The following PCDH7 variants were observed in gnomAD, a reference collection of about 807,000 sequenced individuals.
PCDH7 encodes the protein protocadherin-7.
PCDH7 carries 17 observed loss-of-function variants against 58.9 expected under a neutral mutation model. That is an observed-to-expected ratio of 0.29 (90% confidence interval 0.20 to 0.43). PCDH7 has a LOEUF of 0.43. Ranked by LOEUF, PCDH7 falls within the 20% of genes least tolerant of loss-of-function variation. The probability of loss-of-function intolerance (pLI) is 1.00; values close to 1 mark genes in which losing one functional copy is unlikely to be tolerated. For synonymous variants in PCDH7, 664 were observed against 616.4 expected (o/e 1.08, Z -1.14); for missense variants, 1,274 against 1,441.0 (o/e 0.88, Z 1.88).
At chr4:31,068,535 A>C (rs770572450) in intron 3 of PCDH7, among the ~76,000 whole-genome samples, 3 of 151,988 alleles carry the variant, frequency 2.0e-5, no homozygotes, top group Non-Finnish European at 2.9e-5. Context: ...TCTCTGGTGA[A>C]GTGCGTTATT....
At chr4:30,966,696 T>C (rs1017691401) in intron 3 of PCDH7, among the ~76,000 whole-genome samples, 1 of 152,090 alleles carries the variant, frequency 6.6e-6, no homozygotes, top group Non-Finnish European at 1.5e-5. Context: ...TTGTCAGTTG[T>C]TGAAACAAAA....
rs183493601 is a variant in PCDH7, at chr4:30,861,541, G to A, written c.71-58612G>A. Among the ~76,000 whole-genome samples the A allele has an allele frequency of 2.8e-3, 425 of 152,146 alleles. 2 individuals carry two copies. The highest frequency in any genetic ancestry group is 0.013 in the South Asian group (63 of 4,826). On this transcript the variant is annotated intron_variant, in intron 1 of 3. Coordinates refer to the PCDH7 transcript ENST00000509759. ...TTATTTCAACACTTGTGAATTGAGG[G>A]ATTTAGGATAGATAATTTTTAACTA...
At position 30,721,426 on chromosome 4, in the gene PCDH7, C is replaced by T; in HGVS notation, c.4C>T (p.Leu2=). 6.6e-7 allele frequency: 1 copy of T among 1,505,606 alleles called. No individual in the cohort carries two copies. The highest frequency in any genetic ancestry group is 1.3e-5 in the South Asian group (1 of 76,602). The allele number at this position is 1,505,606 out of a possible 1,614,324, so 93.3% of individuals were successfully genotyped here. ...GTAGCAGCAGCAGCAGGAGAAGATG[C>T]TGAGGATGCGGACCGCGGGATGGGC... Residue 2 remains leucine (L), a synonymous_variant, in exon 1 of 2, where the codon CTG becomes TTG. Coordinates refer to ENST00000361762, the Ensembl canonical transcript of PCDH7. The surrounding 1 kb of genome is among the most constrained non-coding windows in gnomAD (Gnocchi z 6.7).
intron 1 of PCDH7, among the ~76,000 whole-genome samples, chr4:30,727,170 A>C (rs1480571180): frequency 6.6e-6 from 1 of 151,910 alleles, no homozygotes; most frequent in African/African-American, 2.4e-5. Flanking sequence ...TTCATTTTAC[A>C]TTCATTTTAT....
intron 3 of PCDH7, among the ~76,000 whole-genome samples, chr4:31,023,489 C>A (rs973760059): frequency 8.5e-5 from 13 of 152,106 alleles, no homozygotes; most frequent in Non-Finnish European, 1.5e-5. Context: ...TTCAACATTT[C>A]TTTTTTTAAA....
intron 1 of PCDH7, among the ~76,000 whole-genome samples, chr4:30,822,009 G>A (rs559721414): frequency 6.6e-6 from 1 of 152,226 alleles, no homozygotes; most frequent in South Asian, 2.1e-4. Flanking sequence ...GTTAAGCCCT[G>A]TCTCGTAGCA....
chr4:30,974,145 GTTCTTTCTTTCT>G (rs148838411), intron 3 of PCDH7, among the ~76,000 whole-genome samples: 323 of 150,898 alleles, frequency 2.1e-3, no homozygotes, highest in African/African-American at 7.7e-3. Context: ...TGGTGTTGCA[GTTCTTTCTTTCT>G]TTCTTTCTTT....
At chr4:30,897,097 G>T (rs1368635378) in intron 1 of PCDH7, among the ~76,000 whole-genome samples, 1 of 151,470 alleles carries the variant, frequency 6.6e-6, no homozygotes, top group Non-Finnish European at 1.5e-5. Flanking sequence ...GTAGACACAC[G>T]GTTTCACTGT....
At chr4:30,855,507 C>T (rs1733341611) in intron 1 of PCDH7, among the ~76,000 whole-genome samples, 1 of 152,122 alleles carries the variant, frequency 6.6e-6, no homozygotes, top group South Asian at 2.1e-4. Flanking sequence ...TTTTATTGGA[C>T]GTTATCCTTA....
At chr4:30,891,109 G>T (rs906284680) in intron 1 of PCDH7, among the ~76,000 whole-genome samples, 1 of 152,048 alleles carries the variant, frequency 6.6e-6, no homozygotes, top group Admixed American at 6.6e-5. Flanking sequence ...TGAAGGAATG[G>T]TCTCTAATTG....
In PCDH7 at chr4:31,097,638, A is replaced by ATATATATATATAAAATC. The variant is rs370034723; in HGVS notation, c.*8-44835_*8-44834insTATATATATATAAAATC. On this transcript the variant is annotated intron_variant, in intron 3 of 3. Transcript: ENST00000509759. ...TATATATATATATATATATATATAT[A>ATATATATATATAAAATC]AATCTTTTTTCTGTAATTTCTGTAA... is the stretch of plus-strand genomic sequence containing the variant. Among the ~76,000 whole-genome samples, 24 of 79,244 alleles carry ATATATATATATAAAATC rather than the reference A, an allele frequency of 3.0e-4. 3 individuals carry two copies. The highest frequency in any genetic ancestry group is 1.3e-3 in the South Asian group (3 of 2,322). The allele number at this position is 79,244 out of a possible 152,430, so 52.0% of individuals were successfully genotyped here.
downstream of PCDH7, chr4:31,143,745 G>A (rs913219828): frequency 6.6e-6 from 1 of 152,082 alleles, no homozygotes; most frequent in East Asian, 1.9e-4. Context: ...GTCTTGACGT[G>A]GAAAACCATT....
chr4:30,895,813 C>T (rs1047720204), intron 1 of PCDH7, among the ~76,000 whole-genome samples: 2 of 152,098 alleles, frequency 1.3e-5, no homozygotes, highest in Admixed American at 6.5e-5. Flanking sequence ...GTTTATAAGA[C>T]AAGTGAATCT....
At chr4:31,069,443 A>AT (rs1250303396) in intron 3 of PCDH7, among the ~76,000 whole-genome samples, 1 of 152,036 alleles carries the variant, frequency 6.6e-6, no homozygotes, top group Non-Finnish European at 1.5e-5. Context: ...AATTTGAAGG[A>AT]TTTTTTTAAA....
chr4:30,831,351 T>C (rs1384869016), intron 1 of PCDH7, among the ~76,000 whole-genome samples: 1 of 152,150 alleles, frequency 6.6e-6, no homozygotes, highest in African/African-American at 2.4e-5. Flanking sequence ...ACTCAAAGAA[T>C]TGGGTTCAAT....
chr4:30,953,468 T>C (rs1489463028), intron 3 of PCDH7, among the ~76,000 whole-genome samples: 2 of 152,072 alleles, frequency 1.3e-5, no homozygotes. Flanking sequence ...TGAAAAATGG[T>C]CTTGCCTAAA....
chr4:31,090,522 C>A (rs1043088460), intron 3 of PCDH7, among the ~76,000 whole-genome samples: 2 of 151,980 alleles, frequency 1.3e-5, no homozygotes, highest in Non-Finnish European at 2.9e-5. Flanking sequence ...TTCTTTCTAA[C>A]CATTGAAAAA....
At chr4:30,997,288 A>C (rs1751983234) in intron 3 of PCDH7, among the ~76,000 whole-genome samples, 1 of 152,172 alleles carries the variant, frequency 6.6e-6, no homozygotes, top group East Asian at 1.9e-4. Flanking sequence ...TAGAACTATT[A>C]ATAATAACAT....
intron 3 of PCDH7, among the ~76,000 whole-genome samples, chr4:31,055,805 G>A (rs1299942572): frequency 6.6e-6 from 1 of 151,914 alleles, no homozygotes; most frequent in Non-Finnish European, 1.5e-5. Context: ...TTGAACTCCT[G>A]ACCTCAAATG....
Sources: gnomAD v4.1 joint callset for allele counts (sites outside exome capture counted in the v4.1 genomes callset) on GRCh38, gnomAD v4.1.1 for gene constraint, Gnocchi (gnomAD v3.1) non-coding constraint, MANE v1.5 for transcripts, NCBI Gene and HGNC (gene_info 2026-07-23, HGNC 2026-07-21) for gene names.